The following UCK2 variants were observed in gnomAD, a reference collection of about 807,000 sequenced individuals.
UCK2 encodes the protein cytidine monophosphokinase 2.
A neutral mutation model predicts 30.8 loss-of-function variants in UCK2; 6 were observed. The observed-to-expected ratio is 0.19, with a 90% CI of 0.11 to 0.38. The LOEUF (loss-of-function observed/expected upper bound fraction) is 0.38, where lower values mean the gene tolerates loss of function less well. Among genes scored for constraint, UCK2 ranks in the 10% least tolerant of loss-of-function variants. The probability of loss-of-function intolerance (pLI) is 1.00; values close to 1 mark genes in which losing one functional copy is unlikely to be tolerated. For synonymous variants in UCK2, 125 were observed against 133.6 expected (o/e 0.94, Z 0.45); for missense variants, 210 against 339.8 (o/e 0.62, Z 3.00).
intron 1 of UCK2, among the ~76,000 whole-genome samples, chr1:165,887,494 T>G (rs1322776948): frequency 1.3e-5 from 2 of 152,206 alleles, no homozygotes; most frequent in South Asian, 2.1e-4. Context: ...GGATTGCTAT[T>G]TACATTAAAA....
chr1:165,830,506 C>T (rs1308636999), intron 1 of UCK2, among the ~76,000 whole-genome samples: 2 of 150,286 alleles, frequency 1.3e-5, no homozygotes, highest in South Asian at 4.2e-4. Flanking sequence ...TTTGTATTTT[C>T]AGTAAACACG....
chr1:165,881,972 C>T (rs1248893320), intron 1 of UCK2, among the ~76,000 whole-genome samples: 2 of 152,162 alleles, frequency 1.3e-5, no homozygotes, highest in Non-Finnish European at 2.9e-5. Flanking sequence ...ACTACCTTTG[C>T]GGCACCAACA....
chr1:165,836,117 A>G (rs954711402), intron 1 of UCK2, among the ~76,000 whole-genome samples: 2 of 152,040 alleles, frequency 1.3e-5, no homozygotes, highest in African/African-American at 4.8e-5. Flanking sequence ...AATCCCAGCT[A>G]CTCCGGAGGC....
In UCK2 at chr1:165,868,343, AGTCATCCT is replaced by A. The variant is rs1448788247; in HGVS notation, c.100-21857_100-21850del. ...CAGTTGCATTAGCCTCTAACAAGAG[AGTCATCCT>A]GTCCTTTGAAGCTTTGAAGTCAGGC... On this transcript the variant is annotated intron_variant, in intron 1 of 6. Coordinates refer to ENST00000367879, the MANE Select transcript of UCK2 (RefSeq NM_012474.5). Among the ~76,000 whole-genome samples the A allele has an allele frequency of 3.3e-5, 5 of 152,314 alleles. No individual in the cohort carries two copies. In the East Asian group the frequency reaches 9.6e-4, roughly 29 times the overall value.
At chr1:165,857,095 A>C (rs1470006407) in intron 1 of UCK2, among the ~76,000 whole-genome samples, 1 of 152,160 alleles carries the variant, frequency 6.6e-6, no homozygotes, top group Non-Finnish European at 1.5e-5. Flanking sequence ...CCTTGAGTCA[A>C]CCACAGTCTT....
intron 6 of UCK2, among the ~76,000 whole-genome samples, chr1:165,906,988 C>T (rs896561888): frequency 3.9e-5 from 6 of 152,104 alleles, no homozygotes; most frequent in Admixed American, 2.6e-4. Flanking sequence ...TTTTTTAAGA[C>T]ATTTTTGAGG....
At position 165,891,250 on chromosome 1, in the gene UCK2, T is replaced by C; in HGVS notation, c.284T>C (p.Leu95Pro). ...GATGCCTTTGACAATGAACTCATTC[T>C]CAAAACACTCAAAGAAATCACTGAA... ...HPDAFDNELI[L>P]KTLKEITEGK... Residue 95 changes from leucine (L) to proline (P), a missense_variant, in exon 3 of 7, where the codon CTC becomes CCC. By Grantham distance (98) the Leu-to-Pro change is moderately conservative (BLOSUM62 -3). Transcript: ENST00000367879. 6.2e-7 allele frequency: 1 copy of C among 1,614,234 alleles called. No homozygotes were observed. The highest frequency in any genetic ancestry group is 8.5e-7 in the Non-Finnish European group (1 of 1,180,024).
intron 1 of UCK2, among the ~76,000 whole-genome samples, chr1:165,831,625 T>G (rs1270486333): frequency 6.6e-6 from 1 of 152,204 alleles, no homozygotes; most frequent in Non-Finnish European, 1.5e-5. Flanking sequence ...AGAGTGGTCT[T>G]CCTTAGGAAT....
intron 4 of UCK2, among the ~76,000 whole-genome samples, chr1:165,901,033 C>T (rs896436598): frequency 4.6e-5 from 7 of 152,202 alleles, no homozygotes; most frequent in South Asian, 2.1e-4. Flanking sequence ...CCATGTGTGC[C>T]GGAGCTCTGG....
intron 1 of UCK2, among the ~76,000 whole-genome samples, chr1:165,875,586 G>T (rs574112852): frequency 6.6e-6 from 1 of 152,262 alleles, no homozygotes; most frequent in South Asian, 2.1e-4. Context: ...ATGCAAACCT[G>T]AGCCTCTGGA....
chr1:165,893,358 G>A (rs927593430), intron 3 of UCK2, among the ~76,000 whole-genome samples: 5 of 152,186 alleles, frequency 3.3e-5, no homozygotes, highest in South Asian at 2.1e-4. Context: ...TTATCCTTTA[G>A]TGGCTCAAAG....
intron 1 of UCK2, chr1:165,885,409 C>G (rs1008854593): frequency 5.0e-6 from 2 of 398,382 alleles, no homozygotes; most frequent in African/African-American, 4.1e-5. Flanking sequence ...ATCACCTTCA[C>G]TGATTTGTTC....
At chr1:165,836,763 A>G (rs1365987621) in intron 1 of UCK2, among the ~76,000 whole-genome samples, 1 of 152,200 alleles carries the variant, frequency 6.6e-6, no homozygotes, top group Non-Finnish European at 1.5e-5. Context: ...GGAAGTTTTC[A>G]TGTACCCTAG....
intron 4 of UCK2, among the ~76,000 whole-genome samples, chr1:165,896,855 G>T (rs146374048): frequency 1.3e-5 from 2 of 152,168 alleles, no homozygotes; most frequent in African/African-American, 4.8e-5. Context: ...TGTGCCCTCC[G>T]CAGGCCCTAC....
At chr1:165,832,947 G>A (rs76656809) in intron 1 of UCK2, among the ~76,000 whole-genome samples, 14,991 of 151,976 alleles carry the variant, frequency 0.099, 1,011 homozygotes, top group Non-Finnish European at 0.14. Flanking sequence ...TGGCCTCTTC[G>A]TGTAAATATT....
chr1:165,905,980 G>A lies in UCK2; in HGVS notation c.646+11G>A, dbSNP rs1307087852. On this transcript the variant is annotated intron_variant, in intron 6 of 6. Coordinates refer to ENST00000367879, the MANE Select transcript of UCK2 (RefSeq NM_012474.5). ...GTGCAGATAATCTGGGTGAGTCCCTGCAGAGTGTCATCCTGGAGTATAATG... is the reference window on the plus strand; with the variant it reads ...GTGCAGATAATCTGGGTGAGTCCCTACAGAGTGTCATCCTGGAGTATAATG... 6.2e-7 allele frequency: 1 copy of A among 1,612,706 alleles called. No individual in the cohort carries two copies. The highest frequency in any genetic ancestry group is 1.1e-5 in the South Asian group (1 of 91,042).
At chr1:165,828,038 C>T (rs986512052) in intron 1 of UCK2, 106 bp downstream of exon 1, 50 of 807,026 alleles carry the variant, frequency 6.2e-5, no homozygotes, top group Non-Finnish European at 7.8e-5. Flanking sequence ...ACCGCGTGGC[C>T]CGCGCGCCTC....
intron 1 of UCK2, among the ~76,000 whole-genome samples, chr1:165,835,081 G>C (rs1654153722): frequency 6.6e-6 from 1 of 152,082 alleles, no homozygotes; most frequent in East Asian, 1.9e-4. Context: ...TCCCTTGCCT[G>C]TCCTCTAGAA....
intron 1 of UCK2, among the ~76,000 whole-genome samples, chr1:165,857,614 AG>A (rs1654781310): frequency 2.0e-5 from 3 of 152,168 alleles, no homozygotes; most frequent in Admixed American, 6.5e-5. Flanking sequence ...TGGCATTTCC[AG>A]ACAAAATCGG....
Sources: gnomAD v4.1 joint callset for allele counts (sites outside exome capture counted in the v4.1 genomes callset) on GRCh38, gnomAD v4.1.1 for gene constraint, MANE v1.5 for transcripts, NCBI Gene and HGNC (gene_info 2026-07-23, HGNC 2026-07-21) for gene names.